Variants in MACROD2 observed in about 807,000 individuals in gnomAD.
The protein encoded by MACROD2 is ADP-ribose glycohydrolase MACROD2.
MACROD2 carries 36 observed loss-of-function variants against 70.4 expected under a neutral mutation model. The ratio of observed to expected loss-of-function variants is 0.51; its 90% CI spans 0.39 to 0.68. The LOEUF (loss-of-function observed/expected upper bound fraction) is 0.68. MACROD2 is among the 30% of genes least tolerant of loss of function. The pLI is 0.00. For synonymous variants in MACROD2, 172 were observed against 178.8 expected (o/e 0.96, Z 0.30); for missense variants, 496 against 538.4 (o/e 0.92, Z 0.78).
At chr20:14,885,766 T>G (rs769642267) in intron 5 of MACROD2, among the ~76,000 whole-genome samples, 4 of 152,194 alleles carry the variant, frequency 2.6e-5, no homozygotes, top group Non-Finnish European at 4.4e-5. Flanking sequence ...TTCCTCTTCC[T>G]TCTTACCATC....
chr20:14,301,047 C>T (rs572557828), intron 3 of MACROD2, among the ~76,000 whole-genome samples: 27 of 152,268 alleles, frequency 1.8e-4, no homozygotes, highest in Middle Eastern at 6.8e-3. Context: ...AGTTAACACT[C>T]GCCACGATCC....
intron 15 of MACROD2, among the ~76,000 whole-genome samples, chr20:15,995,384 C>T (rs892154318): frequency 6.6e-6 from 1 of 150,600 alleles, no homozygotes; most frequent in African/African-American, 2.4e-5. Flanking sequence ...GAGTCTCGCT[C>T]TGTCACCCAG....
rs187023391 is a variant in MACROD2, at chr20:15,903,706, C to T, written c.775+17895C>T. 1.1e-3 allele frequency among the ~76,000 whole-genome samples: 164 copies of T among 152,280 alleles called. 1 individual carries two copies. In the East Asian group the frequency reaches 0.024, roughly 23 times the overall value. On this transcript the variant is annotated intron_variant, in intron 10 of 17. Coordinates refer to ENST00000684519, the MANE Select transcript of MACROD2 (RefSeq NM_001351661.2). ...CTGTAAGAACTTTGACTGCTTCTCT[C>T]AGTGAAATGGGAAGAGAGCATTTTA...
At chr20:14,025,992 G>C (rs2053158153) in intron 2 of MACROD2, among the ~76,000 whole-genome samples, 1 of 152,118 alleles carries the variant, frequency 6.6e-6, no homozygotes, top group South Asian at 2.1e-4. Flanking sequence ...TCTCTTTATA[G>C]GTCTCTAAGA....
At chr20:15,245,265 C>T (rs1393729073) in intron 6 of MACROD2, among the ~76,000 whole-genome samples, 1 of 152,070 alleles carries the variant, frequency 6.6e-6, no homozygotes, top group Admixed American at 6.5e-5. Flanking sequence ...AATCTTGGTT[C>T]AACATAAGGA....
chr20:15,729,665 T>C (rs6110762), intron 8 of MACROD2, among the ~76,000 whole-genome samples: 1 of 152,064 alleles, frequency 6.6e-6, no homozygotes, highest in Non-Finnish European at 1.5e-5. Flanking sequence ...TCTTTTTTGA[T>C]TGTTCTTGGT....
At chr20:15,763,450 CCA>C (rs1182022820) in intron 8 of MACROD2, among the ~76,000 whole-genome samples, 3 of 152,010 alleles carry the variant, frequency 2.0e-5, no homozygotes, top group Non-Finnish European at 1.5e-5. Context: ...TATATATTCA[CCA>C]CACACACACA....
At chr20:15,626,386 A>G (rs1398976190) in intron 8 of MACROD2, among the ~76,000 whole-genome samples, 1 of 152,372 alleles carries the variant, frequency 6.6e-6, no homozygotes, top group African/African-American at 2.4e-5. Context: ...TGGATTAGAC[A>G]CACAGAAATT....
chr20:14,049,721 A>G (rs2053537158), intron 2 of MACROD2, among the ~76,000 whole-genome samples: 1 of 150,680 alleles, frequency 6.6e-6, no homozygotes, highest in Admixed American at 6.6e-5. Flanking sequence ...CCATTATTGT[A>G]CTCCAGCCTG....
At chr20:14,163,573 G>T (rs978085114) in intron 3 of MACROD2, among the ~76,000 whole-genome samples, 2 of 151,622 alleles carry the variant, frequency 1.3e-5, no homozygotes, top group African/African-American at 4.8e-5. Flanking sequence ...TCATCTTCTG[G>T]AACACCAAAA....
At chr20:14,792,891 TTTTA>T (rs2072466712) in intron 5 of MACROD2, among the ~76,000 whole-genome samples, 1 of 152,112 alleles carries the variant, frequency 6.6e-6, no homozygotes, top group Admixed American at 6.5e-5. Flanking sequence ...ATGTTAGCAG[TTTTA>T]TTTACCAATG....
rs180856895 is a variant in MACROD2 at position 14,696,725 on chromosome 20, A to C, written c.418+11766A>C. 6.5e-3 allele frequency among the ~76,000 whole-genome samples: 985 copies of C among 152,196 alleles called. 14 individuals carry two copies. Among genetic ancestry groups the C allele is most frequent in the African/African-American group, 0.023 (955 of 41,532 alleles). ...AACTGGAGTTTTGCAAGTTCTTTTT[A>C]AAATTGTGTCTGTATTGTGTTTGGA... On this transcript the variant is annotated intron_variant, in intron 5 of 17. Transcript: ENST00000684519.
chr20:14,137,757 A>G (rs2054818736), intron 3 of MACROD2, among the ~76,000 whole-genome samples: 3 of 152,208 alleles, frequency 2.0e-5, no homozygotes, highest in African/African-American at 7.2e-5. Context: ...AAAAGCACAG[A>G]CAATAAAAGT....
chr20:15,777,130 T>C (rs1156799485), intron 8 of MACROD2, among the ~76,000 whole-genome samples: 2 of 152,186 alleles, frequency 1.3e-5, no homozygotes, highest in African/African-American at 2.4e-5. Context: ...GTGCAGTTAC[T>C]TGTGGAGGTT....
At chr20:15,343,343 T>A (rs2078130492) in intron 6 of MACROD2, among the ~76,000 whole-genome samples, 1 of 152,242 alleles carries the variant, frequency 6.6e-6, no homozygotes, top group African/African-American at 2.4e-5. Flanking sequence ...GGTGTCACTC[T>A]GATTGAGGAT....
chr20:14,837,548 T>C (rs904599421), intron 5 of MACROD2, among the ~76,000 whole-genome samples: 9 of 152,054 alleles, frequency 5.9e-5, no homozygotes, highest in Admixed American at 2.6e-4. Flanking sequence ...TTGAGCTAAC[T>C]GTGTCTTGAA....
intron 3 of MACROD2, among the ~76,000 whole-genome samples, chr20:14,196,246 T>A (rs2081431439): frequency 6.6e-6 from 1 of 152,156 alleles, no homozygotes; most frequent in African/African-American, 2.4e-5. Flanking sequence ...GCAATTTGAC[T>A]CTCATACCTT....
At chr20:14,466,416 A>G (rs1415211852) in intron 3 of MACROD2, among the ~76,000 whole-genome samples, 4 of 151,924 alleles carry the variant, frequency 2.6e-5, no homozygotes, top group African/African-American at 9.7e-5. Context: ...TGCATTGGTT[A>G]TTCTAGTTAT....
intron 6 of MACROD2, among the ~76,000 whole-genome samples, chr20:15,409,775 A>G (rs2046052355): frequency 6.6e-6 from 1 of 152,168 alleles, no homozygotes; most frequent in Non-Finnish European, 1.5e-5. Flanking sequence ...CTTGATATCC[A>G]TCACCTTTCT....
Sources: gnomAD v4.1 joint callset for allele counts (sites outside exome capture counted in the v4.1 genomes callset) on GRCh38, gnomAD v4.1.1 for gene constraint, MANE v1.5 for transcripts, NCBI Gene and HGNC (gene_info 2026-07-23, HGNC 2026-07-21) for gene names.